The following C2orf72 variants were observed in gnomAD, a reference collection of about 807,000 sequenced individuals.
The protein encoded by C2orf72 is uncharacterized protein C2orf72.
In C2orf72, 16 loss-of-function variants were observed where a neutral mutation model predicts 14.4. The observed-to-expected ratio is 1.11, with a 90% CI of 0.75 to 1.69. C2orf72 has a LOEUF of 1.69. Ranked by LOEUF, C2orf72 falls within the 40% of genes most tolerant of loss-of-function variation. The pLI is 0.00. For missense variants in C2orf72, 371 were observed against 358.3 expected (o/e 1.04, Z -0.29); for synonymous variants, 168 against 176.8 (o/e 0.95, Z 0.40).
At position 231,046,984 on chromosome 2, in the gene C2orf72, T is replaced by A; in HGVS notation, c.851T>A (p.Val284Glu). ...GGGTCAAAAGCCTGTGATGGAGTCG[T>A]ACACACTCCTGCTGAGCCCACCGGA... ...GRGSKACDGV[V>E]HTPAEPTGDS... Residue 284 changes from valine (V) to glutamate (E), a missense_variant, in exon 3 of 3, where the codon GTA becomes GAA. Physicochemically the swap from Val to Glu is moderately radical, Grantham distance 121 (BLOSUM62 -2). Coordinates refer to ENST00000373640, the MANE Select transcript of C2orf72 (RefSeq NM_001144994.2). The A allele has an allele frequency of 6.4e-7, 1 of 1,551,626 alleles. No homozygotes were observed.
At position 231,048,284 on chromosome 2, in the gene C2orf72, G is replaced by A. The variant is rs1033359988; in HGVS notation, c.*1263G>A. The A allele has an allele frequency of 9.2e-5, 14 of 152,272 alleles. No homozygotes were observed. The highest frequency in any genetic ancestry group is 3.1e-4 in the African/African-American group (13 of 41,464). 9.4% of individuals were successfully genotyped at this position (152,272 alleles called of 1,614,324 possible). A position where few individuals can be genotyped will look rare whatever the true frequency, so the allele number is the denominator to read the frequency against. Reference sequence around the variant, plus strand: ...TTTCCCTGGAGGGGAGGCACTAGCTGAGGGAAGTAGCTCCCTTCATTCATG... The same window carrying A: ...TTTCCCTGGAGGGGAGGCACTAGCTAAGGGAAGTAGCTCCCTTCATTCATG... On this transcript the variant is annotated 3_prime_UTR_variant, in exon 3 of 3. Transcript: ENST00000373640.
At chr2:231,044,962 TAC>T (rs1553555593) in intron 2 of C2orf72, among the ~76,000 whole-genome samples, 9 of 146,398 alleles carry the variant, frequency 6.1e-5, no homozygotes, top group Admixed American at 6.8e-5. Context: ...TATATATATA[TAC>T]ACACACACAC....
chr2:231,047,235 C>A lies in C2orf72; in HGVS notation c.*214C>A. 1.5e-6 allele frequency: 1 copy of A among 682,876 alleles called. No homozygotes were observed. Among genetic ancestry groups the A allele is most frequent in the Admixed American group, 2.1e-5 (1 of 48,566 alleles). 42.3% of individuals were successfully genotyped at this position (682,876 alleles called of 1,614,324 possible). On this transcript the variant is annotated 3_prime_UTR_variant, in exon 3 of 3. Transcript: ENST00000373640. ...GAACCTACTCCCCACCCAGCATTTGCTAAGTCTGATCACAGGGAGGTTATT... is the reference window on the plus strand; with the variant it reads ...GAACCTACTCCCCACCCAGCATTTGATAAGTCTGATCACAGGGAGGTTATT...
At chr2:231,042,836 C>G (rs1010156970) in intron 2 of C2orf72, among the ~76,000 whole-genome samples, 1 of 152,176 alleles carries the variant, frequency 6.6e-6, no homozygotes. Context: ...GAAACTCTAT[C>G]TCTACTAAAA....
rs1254687187 is a variant in C2orf72 at position 231,047,200 on chromosome 2, T to C, written c.*179T>C. The C allele has an allele frequency of 2.6e-6, 2 of 779,692 alleles. No homozygotes were observed. The highest frequency in any genetic ancestry group is 2.9e-5 in the South Asian group (2 of 68,366). 48.3% of individuals were successfully genotyped at this position (779,692 alleles called of 1,614,324 possible). ...AAGACAAGCAGGACCTAAAACAGTG[T>C]CTCCCCTGGGAACCTACTCCCCACC... On this transcript the variant is annotated 3_prime_UTR_variant, in exon 3 of 3. Coordinates refer to ENST00000373640, the MANE Select transcript of C2orf72 (RefSeq NM_001144994.2).
At chr2:231,041,140 C>A (rs2052625) in intron 1 of C2orf72, 156 bp from the exon 2 acceptor site, 26,509 of 533,160 alleles carry the variant, frequency 0.05, 1,525 homozygotes, top group East Asian at 0.19. Context: ...TTTTAAAAAC[C>A]CACCCACTTT....
intron 2 of C2orf72, among the ~76,000 whole-genome samples, chr2:231,041,890 G>A (rs945106405): frequency 4.6e-5 from 7 of 152,122 alleles, no homozygotes; most frequent in African/African-American, 1.4e-4. Flanking sequence ...TGGGAGTGAG[G>A]TGCAGAAGGA....
intron 2 of C2orf72, among the ~76,000 whole-genome samples, chr2:231,045,708 C>T (rs1217964723): frequency 7.2e-5 from 11 of 151,942 alleles, no homozygotes; most frequent in South Asian, 2.1e-4. Flanking sequence ...TTAGTAGAGA[C>T]GGGGTTTCAC....
chr2:231,047,426 C>T lies in C2orf72; in HGVS notation c.*405C>T. Reference sequence around the variant, plus strand: ...GGAAGAACTCTGAACCAGAAGTCATCAGAGCTGAGGCATGGCCTTGAACAT... The same window carrying T: ...GGAAGAACTCTGAACCAGAAGTCATTAGAGCTGAGGCATGGCCTTGAACAT... On this transcript the variant is annotated 3_prime_UTR_variant, in exon 3 of 3. Transcript: ENST00000373640. 1 of 353,392 alleles carries T rather than the reference C, an allele frequency of 2.8e-6. No homozygotes were observed. The highest frequency in any genetic ancestry group is 5.6e-6 in the Non-Finnish European group (1 of 178,518). The allele number at this position is 353,392 out of a possible 1,614,324, so 21.9% of individuals were successfully genotyped here.
Position 231,037,695 on chromosome 2 carries a change from C to A in C2orf72, c.130C>A (p.Gln44Lys). Residue 44 changes from glutamine (Q) to lysine (K), a missense_variant, in exon 1 of 3, where the codon CAG (glutamine) becomes AAG (lysine). By Grantham distance (53) the Gln-to-Lys change is moderately conservative (BLOSUM62 1). This residue lies in a region of C2orf72 where 214 missense variants were observed against 178.7 expected (regional missense o/e 1.20). Transcript: ENST00000373640. ...GGTGGGCGAGCTGTGGGAGCGCGAACAGAGCCGCGCGCTGCTGCGGGACTT... is the reference window on the plus strand; with the variant it reads ...GGTGGGCGAGCTGTGGGAGCGCGAAAAGAGCCGCGCGCTGCTGCGGGACTT... ...LLVGELWERE[Q>K]SRALLRDFAR... is the part of the protein sequence containing the mutation. 2 of 1,054,652 alleles carry A rather than the reference C, an allele frequency of 1.9e-6. No homozygotes were observed. Among genetic ancestry groups the A allele is most frequent in the Admixed American group, 5.6e-5 (1 of 17,784 alleles). The allele number at this position is 1,054,652 out of a possible 1,614,324, so 65.3% of individuals were successfully genotyped here. A position where few individuals can be genotyped will look rare whatever the true frequency, so the allele number is the denominator to read the frequency against.
Position 231,037,652 on chromosome 2 carries a change from C to G in C2orf72, c.87C>G (p.Gly29=). The G allele has an allele frequency of 8.9e-7, 1 of 1,119,436 alleles. No individual in the cohort carries two copies. Among genetic ancestry groups the G allele is most frequent in the South Asian group, 2.4e-5 (1 of 40,878 alleles). 69.3% of individuals were successfully genotyped at this position (1,119,436 alleles called of 1,614,324 possible). ...AGGCGTTGGTGGAAGCGGCGGGGGG[C>G]CGCGGGCAGGTGCTGCTGGTGGGCG... ...PFQALVEAAG[G]RGQVLLVGEL... The change falls in exon 1 of 3, where the codon GGC becomes GGG. Residue 29 remains glycine (G), a synonymous_variant. Transcript: ENST00000373640.
At chr2:231,043,810 A>G (rs1455108037) in intron 2 of C2orf72, among the ~76,000 whole-genome samples, 1 of 152,276 alleles carries the variant, frequency 6.6e-6, no homozygotes, top group Non-Finnish European at 1.5e-5. Context: ...ATAGGATATC[A>G]TAATTACATG....
chr2:231,037,604 G>T lies in C2orf72; in HGVS notation c.39G>T (p.Ala13=), dbSNP rs1331745470. 6 of 1,081,004 alleles carry T rather than the reference G, an allele frequency of 5.6e-6. No homozygotes were observed. In the East Asian group the frequency reaches 4.3e-4, roughly 78 times the overall value. 67.0% of individuals were successfully genotyped at this position (1,081,004 alleles called of 1,614,324 possible). The stretch of plus-strand genomic sequence containing the variant: ...TGGAGGCGCTGGCGGCCCGGCTTGC[G>T]CGCCCTGCCGAGCCGCCCTTCCAGG... The part of the protein sequence containing the change: ...RELEALAARL[A]RPAEPPFQAL... Residue 13 remains alanine, a synonymous_variant, in exon 1 of 3, where the codon GCG becomes GCT. Transcript: ENST00000373640.
At chr2:231,044,962 T>TACACACAC (rs1553555593) in intron 2 of C2orf72, among the ~76,000 whole-genome samples, 7 of 146,398 alleles carry the variant, frequency 4.8e-5, no homozygotes, top group African/African-American at 1.5e-4. Flanking sequence ...TATATATATA[T>TACACACAC]ACACACACAC....
At chr2:231,038,250 C>A (rs1170558326) in intron 1 of C2orf72, 51 bp downstream of exon 1, 1 of 1,165,384 alleles carries the variant, frequency 8.6e-7, no homozygotes, top group South Asian at 4.3e-5. Flanking sequence ...GGCTCGGGCA[C>A]GTCCCCCAAG....
intron 2 of C2orf72, among the ~76,000 whole-genome samples, chr2:231,044,663 T>C (rs562182723): frequency 3.8e-4 from 53 of 139,540 alleles, no homozygotes; most frequent in Middle Eastern, 3.7e-3. Flanking sequence ...TTTTCCTATT[T>C]TAATTTTTTT....
chr2:231,043,589 A>G (rs1036034355), intron 2 of C2orf72, among the ~76,000 whole-genome samples: 1 of 152,234 alleles, frequency 6.6e-6, no homozygotes, highest in Non-Finnish European at 1.5e-5. Context: ...TTTAATTGCA[A>G]AAATGCTAAC....
rs1693285951 is a variant in C2orf72, at chr2:231,038,135, C to A, written c.570C>A (p.Ala190=). 8.4e-6 allele frequency: 10 copies of A among 1,185,710 alleles called. No individual in the cohort carries two copies. The highest frequency in any genetic ancestry group is 1.0e-5 in the Non-Finnish European group (10 of 958,140). 73.4% of individuals were successfully genotyped at this position (1,185,710 alleles called of 1,614,324 possible). ...QAAAYCPGLP[A]SCLAVQAAAC... is the part of the protein sequence containing the mutation. ...CCGCCTACTGCCCCGGCCTCCCGGC[C>A]TCCTGCCTGGCCGTCCAGGCGGCCG... Residue 190 remains alanine (A), a synonymous_variant, in exon 1 of 3, where the codon GCC becomes GCA. Coordinates refer to ENST00000373640, the MANE Select transcript of C2orf72 (RefSeq NM_001144994.2).
intron 2 of C2orf72, among the ~76,000 whole-genome samples, chr2:231,046,604 C>G (rs150261249): frequency 0.01 from 1,596 of 152,240 alleles, 19 homozygotes; most frequent in Non-Finnish European, 0.015. Context: ...TGCTCTTTCT[C>G]TCTGTTGGGC....
Sources: gnomAD v4.1 joint callset for allele counts (sites outside exome capture counted in the v4.1 genomes callset) on GRCh38, gnomAD v4.1.1 for gene constraint, gnomAD v4.1.1 regional missense constraint, MANE v1.5 for transcripts, NCBI Gene and HGNC (gene_info 2026-07-23, HGNC 2026-07-21) for gene names.